Variants in ITGB2 observed in about 807,000 individuals in gnomAD.
ITGB2 encodes the protein integrin subunit beta 2, also known as integrin beta-2.
In ITGB2, 56 loss-of-function variants were observed where a neutral mutation model predicts 86.8. The observed-to-expected ratio is 0.65, with a 90% CI of 0.52 to 0.81. The LOEUF is 0.81. Ranked by LOEUF, ITGB2 falls within the 30% of genes least tolerant of loss-of-function variation. ITGB2 has a pLI of 0.00. For synonymous variants in ITGB2, 457 were observed against 450.4 expected (o/e 1.01, Z -0.19); for missense variants, 948 against 1,061.2 (o/e 0.89, Z 1.48).
At chr21:44,923,628 A>G (rs564688689), upstream of ITGB2, among the ~76,000 whole-genome samples, 3 of 152,326 alleles carry the variant, frequency 2.0e-5, no homozygotes, top group African/African-American at 7.2e-5. Flanking sequence ...AAAACATTTC[A>G]AGGAAGTGTA....
upstream of ITGB2, among the ~76,000 whole-genome samples, chr21:44,922,016 T>C (rs1475611501): frequency 5.3e-5 from 8 of 152,342 alleles, no homozygotes; most frequent in Admixed American, 4.6e-4. Flanking sequence ...GAGCCATGGC[T>C]CCCGGCTCCT....
chr21:44,910,744 C>T lies in ITGB2; in HGVS notation c.39G>A (p.Gly13=), dbSNP rs1229284741. Residue 13 remains glycine, a synonymous_variant, in exon 2 of 16, where the codon GGG becomes GGA. Coordinates refer to ENST00000652462, the MANE Select transcript of ITGB2 (RefSeq NM_000211.5). ...GLRPPLLALV[G]LLSLGCVLSQ... is the part of the protein sequence containing the mutation. ...ACTCACCGCACCCGAGGGAGAGCAG[C>T]CCCACCAGGGCGAGCAGTGGGGGGC... 6.2e-7 allele frequency: 1 copy of T among 1,613,902 alleles called. No homozygotes were observed. Among genetic ancestry groups the T allele is most frequent in the Non-Finnish European group, 8.5e-7 (1 of 1,179,988 alleles).
At chr21:44,887,969 C>G (rs138576253) in intron 14 of ITGB2, among the ~76,000 whole-genome samples, 1 of 152,194 alleles carries the variant, frequency 6.6e-6, no homozygotes, top group Non-Finnish European at 1.5e-5. Flanking sequence ...CAGCGGCCCC[C>G]CAGCCCCAGC....
chr21:44,890,752 A>G (rs2083775195), intron 11 of ITGB2, among the ~76,000 whole-genome samples: 1 of 152,124 alleles, frequency 6.6e-6, no homozygotes. Flanking sequence ...ATCCTCAGAG[A>G]CGGCACTGCC....
At chr21:44,899,752 G>A (rs1412680090) in intron 7 of ITGB2, among the ~76,000 whole-genome samples, 1 of 152,226 alleles carries the variant, frequency 6.6e-6, no homozygotes, top group African/African-American at 2.4e-5. Context: ...CCATTGAGAT[G>A]CCTCCGCAGA....
At chr21:44,895,821 A>G (rs1386329328) in intron 8 of ITGB2, among the ~76,000 whole-genome samples, 1 of 150,360 alleles carries the variant, frequency 6.7e-6, no homozygotes, top group African/African-American at 2.5e-5. Context: ...AACAAGAGCA[A>G]AACTCTGTCT....
chr21:44,926,907 A>G (rs1039016379), intron 1 of ITGB2: 1 of 152,264 alleles, frequency 6.6e-6, no homozygotes, highest in South Asian at 2.1e-4. Flanking sequence ...GAGCTCCAGA[A>G]CAGACCATCG....
chr21:44,901,769 G>C, intron 5 of ITGB2, 36 bp from the exon 6 acceptor site: 1 of 1,588,412 alleles, frequency 6.3e-7, no homozygotes, highest in South Asian at 1.1e-5. Flanking sequence ...GAGGTGGCAG[G>C]CTGGGCCCAG....
At chr21:44,891,747 C>T (rs539383174) in intron 11 of ITGB2, 62 bp downstream of exon 11, 66 of 1,575,630 alleles carry the variant, frequency 4.2e-5, no homozygotes, top group African/African-American at 3.0e-4. Flanking sequence ...CCTCACCTGC[C>T]GACACCTGCC....
upstream of ITGB2, among the ~76,000 whole-genome samples, chr21:44,921,989 G>A (rs998324391): frequency 1.3e-5 from 2 of 152,228 alleles, no homozygotes; most frequent in Admixed American, 6.5e-5. Flanking sequence ...CTTCCAAAGT[G>A]CTGGGATTAC....
At chr21:44,917,075 C>T (rs1407774602) in intron 1 of ITGB2, among the ~76,000 whole-genome samples, 2 of 152,174 alleles carry the variant, frequency 1.3e-5, no homozygotes, top group African/African-American at 2.4e-5. Flanking sequence ...AAGGGTGTGG[C>T]ACCCTGAGCA....
In ITGB2 at chr21:44,888,696, G is replaced by A. The variant is rs2083734400; in HGVS notation, c.2077C>T (p.Arg693Ter). The A allele has an allele frequency of 2.5e-6, 4 of 1,607,632 alleles. No individual in the cohort carries two copies. The highest frequency in any genetic ancestry group is 1.1e-5 in the South Asian group (1 of 91,090). ...CGCTGCACCCCAGCGGCCTCACCTC[G>A]GCTCTCATCCACATAGATGAGGTAG... ...DRYLIYVDES[R>*]ECVAGPNIAA... Residue 693 changes from arginine (R) to a stop codon, truncating the protein, a stop_gained, in exon 14 of 16, where the codon CGA becomes TGA. Coordinates refer to ENST00000652462, the MANE Select transcript of ITGB2 (RefSeq NM_000211.5). LOFTEE classifies it high-confidence loss of function.
chr21:44,887,038 A>C, intron 14 of ITGB2, 136 bp from the exon 15 acceptor site: 1 of 1,056,154 alleles, frequency 9.5e-7, no homozygotes, highest in Non-Finnish European at 1.4e-6. Context: ...ACCATCCATC[A>C]CCATGGCCAG....
chr21:44,907,011 T>C lies in ITGB2; in HGVS notation c.232A>G (p.Ile78Val), dbSNP rs747296158. 1.2e-6 allele frequency: 2 copies of C among 1,614,130 alleles called. No individual in the cohort carries two copies. The highest frequency in any genetic ancestry group is 2.2e-5 in the East Asian group (1 of 44,886). ...LLMRGCAADD[I>V]MDPTSLAETQ... ...TCAGCGAGGCTTGTGGGGTCCATGATGTCGTCAGCCGCACAGCCCCTCATG... is the reference window on the plus strand; with the variant it reads ...TCAGCGAGGCTTGTGGGGTCCATGACGTCGTCAGCCGCACAGCCCCTCATG... Residue 78 changes from isoleucine (I) to valine (V), a missense_variant, in exon 4 of 16, where the codon ATC becomes GTC. By Grantham distance (29) the Ile-to-Val change is conservative. Coordinates refer to ENST00000652462, the MANE Select transcript of ITGB2 (RefSeq NM_000211.5).
At chr21:44,928,047 C>G (rs1335014377) in intron 1 of ITGB2, 1 of 152,080 alleles carries the variant, frequency 6.6e-6, no homozygotes. Context: ...CGCAGCTTCC[C>G]ACACTGGGAG....
At chr21:44,888,935 C>T (rs764209387) in intron 13 of ITGB2, 40 bp from the exon 14 acceptor site, 119 of 1,535,780 alleles carry the variant, frequency 7.7e-5, no homozygotes, top group Admixed American at 1.0e-4. Flanking sequence ...CCAGGGTGTG[C>T]GGGGGCTCCG....
At position 44,886,914 on chromosome 21, in the gene ITGB2, G is replaced by A; in HGVS notation, c.2081-12C>T. 1.2e-6 allele frequency: 2 copies of A among 1,611,850 alleles called. No homozygotes were observed. The highest frequency in any genetic ancestry group is 1.7e-6 in the Non-Finnish European group (2 of 1,179,962). On this transcript the variant is annotated splice_polypyrimidine_tract_variant and intron_variant, in intron 14 of 15. Transcript: ENST00000652462. ...GCCTGCCACACACTCTAGGGAAGAA[G>A]CAGCACACCTGAGCGTCAGTCCAGC...
chr21:44,922,538 G>A (rs1661026407), upstream of ITGB2, among the ~76,000 whole-genome samples: 1 of 151,578 alleles, frequency 6.6e-6, no homozygotes, highest in African/African-American at 2.4e-5. Context: ...GCCAGGCATG[G>A]TAGCACGCGA....
chr21:44,910,999 C>G, intron 1 of ITGB2: 1 of 592,858 alleles, frequency 1.7e-6, no homozygotes, highest in Non-Finnish European at 3.0e-6. Context: ...GGGCAGCACA[C>G]CTGCTCAGCC....
Sources: gnomAD v4.1 joint callset for allele counts (sites outside exome capture counted in the v4.1 genomes callset) on GRCh38, gnomAD v4.1.1 for gene constraint, MANE v1.5 for transcripts, NCBI Gene and HGNC (gene_info 2026-07-23, HGNC 2026-07-21) for gene names.